Variants in MEIKIN observed in about 807,000 individuals in gnomAD.
The protein encoded by MEIKIN is meiotic kinetochore factor.
intron 8 of MEIKIN, among the ~76,000 whole-genome samples, chr5:131,885,728 T>A (rs552388243): frequency 6.6e-6 from 1 of 152,056 alleles, no homozygotes; most frequent in African/African-American, 2.4e-5. Context: ...CCAACAAACA[T>A]CTACAAGCAT....
chr5:131,844,526 A>C (rs1020944347), intron 11 of MEIKIN, among the ~76,000 whole-genome samples: 1 of 152,278 alleles, frequency 6.6e-6, no homozygotes. Flanking sequence ...AGGGAAACCA[A>C]AATGACTTAG....
intron 9 of MEIKIN, among the ~76,000 whole-genome samples, chr5:131,873,256 C>T (rs527477046): frequency 1.3e-5 from 2 of 152,234 alleles, no homozygotes; most frequent in Admixed American, 1.3e-4. Context: ...GGAAACCCAT[C>T]TCACATGCAG....
At chr5:131,850,617 A>G (rs1373085356) in intron 11 of MEIKIN, among the ~76,000 whole-genome samples, 1 of 152,176 alleles carries the variant, frequency 6.6e-6, no homozygotes, top group African/African-American at 2.4e-5. Flanking sequence ...AAAACTGGAT[A>G]TCTACATGCA....
At position 131,812,023 on chromosome 5, in the gene MEIKIN, C is replaced by T. The variant is rs144247034; in HGVS notation, c.1100-4765G>A. ...ATAAGGAAACACAACATTATCGGCA[C>T]CCTAGAATTCCCCCTTGTAATCCCT... On this transcript the variant is annotated intron_variant, in intron 12 of 12. Transcript: ENST00000442687. Among the ~76,000 whole-genome samples the T allele has an allele frequency of 9.7e-4, 147 of 152,254 alleles. No individual in the cohort carries two copies. The Middle Eastern group carries it at 0.014, about 14-fold the overall frequency.
intron 11 of MEIKIN, among the ~76,000 whole-genome samples, chr5:131,828,976 G>A (rs1046728374): frequency 1.3e-5 from 2 of 151,970 alleles, no homozygotes; most frequent in Non-Finnish European, 2.9e-5. Context: ...ACTAAGCAAT[G>A]TATAAAATAA....
At chr5:131,896,537 A>G (rs1156994440) in intron 8 of MEIKIN, among the ~76,000 whole-genome samples, 1 of 152,158 alleles carries the variant, frequency 6.6e-6, no homozygotes, top group Non-Finnish European at 1.5e-5. Flanking sequence ...TAGGTCTCTA[A>G]GGACTTGCTT....
At chr5:131,821,370 G>A (rs927309778) in intron 11 of MEIKIN, among the ~76,000 whole-genome samples, 3 of 152,090 alleles carry the variant, frequency 2.0e-5, no homozygotes, top group Non-Finnish European at 2.9e-5. Context: ...GCTTGACATT[G>A]TTTCAATGTT....
chr5:131,879,153 T>C (rs1013867505), intron 8 of MEIKIN, 105 bp from the exon 9 acceptor site: 5 of 393,588 alleles, frequency 1.3e-5, no homozygotes, highest in Non-Finnish European at 2.2e-5. Flanking sequence ...ATAATATTTG[T>C]AAAACCCCTG....
rs199809912 is a variant in MEIKIN at position 131,838,781 on chromosome 5, A to AT, written c.975+12482dup. On this transcript the variant is annotated intron_variant, in intron 11 of 12. Coordinates refer to ENST00000442687, the MANE Select transcript of MEIKIN (RefSeq NM_001303622.2). The stretch of plus-strand genomic sequence containing the variant: ...GTCTAGCTAGCAGTCTATGCATTGT[A>AT]TTTTTTTTTTCCAAAAAACCAACCC... 9.7e-3 allele frequency among the ~76,000 whole-genome samples: 1,436 copies of AT among 148,432 alleles called. 19 individuals carry two copies. The highest frequency in any genetic ancestry group is 0.032 in the African/African-American group (1,305 of 40,574).
chr5:131,902,235 C>A (rs554535797), intron 8 of MEIKIN, among the ~76,000 whole-genome samples: 7 of 152,230 alleles, frequency 4.6e-5, no homozygotes, highest in Admixed American at 2.6e-4. Flanking sequence ...GGGTTCGAGA[C>A]CAGCCTGGGC....
intron 8 of MEIKIN, among the ~76,000 whole-genome samples, chr5:131,888,904 G>C (rs1561745454): frequency 1.3e-5 from 2 of 152,166 alleles, no homozygotes; most frequent in East Asian, 3.8e-4. Context: ...GTAAGGAAGG[G>C]ATCCAGTTTC....
intron 8 of MEIKIN, among the ~76,000 whole-genome samples, chr5:131,885,341 AAGAGAGAG>A (rs57363906): frequency 8.1e-5 from 5 of 61,986 alleles, no homozygotes; most frequent in African/African-American, 9.4e-5. Flanking sequence ...TCAGAACTGA[AAGAGAGAG>A]AGAGAGAGAG....
chr5:131,819,613 TTC>T (rs1749448923), intron 11 of MEIKIN, among the ~76,000 whole-genome samples: 1 of 150,656 alleles, frequency 6.6e-6, no homozygotes, highest in African/African-American at 2.4e-5. Context: ...TTTTTTTTTT[TTC>T]TTGAGACAGG....
intron 8 of MEIKIN, among the ~76,000 whole-genome samples, chr5:131,886,164 T>A (rs1237790229): frequency 6.6e-6 from 1 of 152,034 alleles, no homozygotes; most frequent in Non-Finnish European, 1.5e-5. Flanking sequence ...TTACAAGATC[T>A]AGAAAATAGC....
At chr5:131,851,062 T>C (rs1046639765) in intron 11 of MEIKIN, among the ~76,000 whole-genome samples, 1 of 152,196 alleles carries the variant, frequency 6.6e-6, no homozygotes, top group South Asian at 2.1e-4. Context: ...ATAGACAAAC[T>C]GTACTTCATA....
At chr5:131,876,899 A>G (rs1279069342) in intron 9 of MEIKIN, among the ~76,000 whole-genome samples, 1 of 151,922 alleles carries the variant, frequency 6.6e-6, no homozygotes, top group Non-Finnish European at 1.5e-5. Context: ...CGCAAGGACA[A>G]AAAACCAAAC....
intron 9 of MEIKIN, among the ~76,000 whole-genome samples, chr5:131,872,833 G>C (rs1024667679): frequency 2.6e-5 from 4 of 152,164 alleles, no homozygotes; most frequent in African/African-American, 9.7e-5. Context: ...AAGAGAGTGG[G>C]GGCCAATATT....
At position 131,891,326 on chromosome 5, in the gene MEIKIN, C is replaced by G. The variant is rs145857203; in HGVS notation, c.704-12278G>C. ...AATGTTGTCAGTGGGTTGTTAAAGT[C>G]TCCCACTATTATTGTGTGGGAATCT... On this transcript the variant is annotated intron_variant, in intron 8 of 12. Transcript: ENST00000442687. 1.3e-3 allele frequency among the ~76,000 whole-genome samples: 195 copies of G among 152,282 alleles called. 1 individual carries two copies. The highest frequency in any genetic ancestry group is 4.5e-3 in the African/African-American group (189 of 41,578).
chr5:131,916,514 C>T (rs1013819674), intron 7 of MEIKIN, among the ~76,000 whole-genome samples: 1 of 152,188 alleles, frequency 6.6e-6, no homozygotes, highest in Non-Finnish European at 1.5e-5. Context: ...TTACCCCAAC[C>T]CACTCTTGTG....
Sources: allele counts gnomAD v4.1 joint callset (sites outside exome capture counted in the v4.1 genomes callset), GRCh38; gene constraint gnomAD v4.1.1; transcripts MANE v1.5; gene names NCBI Gene and HGNC (gene_info 2026-07-23, HGNC 2026-07-21).